The following TSPYL4 variants were observed in gnomAD, a reference collection of about 807,000 sequenced individuals.
TSPYL4 encodes the protein TSPY like 4, also known as testis-specific Y-encoded-like protein 4.
A neutral mutation model predicts 24.2 loss-of-function variants in TSPYL4; 22 were observed. That is an observed-to-expected ratio of 0.91 (90% CI 0.65 to 1.30). TSPYL4 has a LOEUF of 1.30. TSPYL4 is among the 50% of genes most tolerant of loss of function. The pLI is 0.00. For synonymous variants in TSPYL4, 211 were observed against 208.2 expected (o/e 1.01, Z -0.12); for missense variants, 569 against 536.7 (o/e 1.06, Z -0.60).
Position 116,251,395 on chromosome 6 carries a change from T to G in TSPYL4, c.*1369A>C, listed in dbSNP as rs1771949229. 1 of 396,282 alleles carries G rather than the reference T, an allele frequency of 2.5e-6. No individual in the cohort carries two copies. Among genetic ancestry groups the G allele is most frequent in the Admixed American group, 4.4e-5 (1 of 22,678 alleles). 24.5% of individuals were successfully genotyped at this position (396,282 alleles called of 1,614,324 possible). On this transcript the variant is annotated 3_prime_UTR_variant, in exon 1 of 1. Coordinates refer to ENST00000420283, the MANE Select transcript of TSPYL4 (RefSeq NM_021648.5). ...GATAAATATGTCAAAATCTGCCTAA[T>G]TTAACACTGCCTATAACTAAACAAT...
rs1446936144 is a variant in TSPYL4 at position 116,253,558 on chromosome 6, C to T, written c.451G>A (p.Glu151Lys). The stretch of plus-strand genomic sequence containing the variant: ...ATGGCGCGTTTTTTAGTCGTCACTT[C>T]CTTGGCCTTCTTCCCCGGTATCATC... ...SQMIPGKKAK[E>K]VTTKKRAISA... Residue 151 changes from glutamate (E) to lysine (K), a missense_variant, in exon 1 of 1, where the codon GAA becomes AAA. Transcript: ENST00000420283. The surrounding 1 kb of genome is among the most constrained non-coding windows in gnomAD (Gnocchi z 4.3). 2 of 1,552,000 alleles carry T rather than the reference C, an allele frequency of 1.3e-6. No individual in the cohort carries two copies. Among genetic ancestry groups the T allele is most frequent in the Non-Finnish European group, 8.7e-7 (1 of 1,147,064 alleles).
In TSPYL4 at chr6:116,253,952, A is replaced by G. The variant is rs199711865; in HGVS notation, c.57T>C (p.Ala19=). ...GATCTCCTGAGGCATGGTCGGGAGC[A>G]GCCAGGCCGCCGGTTTGGGCGAGAG... ...KLPLAQTGGL[A]APDHASGDPD... Residue 19 remains alanine, a synonymous_variant, in exon 1 of 1, where the codon GCT becomes GCC. Coordinates refer to ENST00000420283, the MANE Select transcript of TSPYL4 (RefSeq NM_021648.5). This position sits in a 1 kb window ranked among gnomAD's most constrained non-coding sequence, Gnocchi z 4.3. 51 of 1,606,482 alleles carry G rather than the reference A, an allele frequency of 3.2e-5. No individual in the cohort carries two copies. The African/African-American group carries it at 6.3e-4, about 20-fold the overall frequency.
At position 116,253,754 on chromosome 6, in the gene TSPYL4, C is replaced by T; in HGVS notation, c.255G>A (p.Ala85=). The T allele has an allele frequency of 6.3e-7, 1 of 1,593,790 alleles. No homozygotes were observed. Among genetic ancestry groups the T allele is most frequent in the Non-Finnish European group, 8.6e-7 (1 of 1,169,108 alleles). ...GAGCATCCTCCTGCCCGGCTTTGGT[C>T]GCTGCACCGCCGCGACTCCCGGCAA... is the stretch of plus-strand genomic sequence containing the variant. The part of the protein sequence containing the change: ...VPVAGSRGGA[A]TKAGQEDAPP... Residue 85 remains alanine (A), a synonymous_variant, in exon 1 of 1, where the codon GCG becomes GCA. Coordinates refer to ENST00000420283, the MANE Select transcript of TSPYL4 (RefSeq NM_021648.5). This position sits in a 1 kb window ranked among gnomAD's most constrained non-coding sequence, Gnocchi z 4.3.
At position 116,253,018 on chromosome 6, in the gene TSPYL4, G is replaced by A. The variant is rs1425497137; in HGVS notation, c.991C>T (p.Arg331Cys). 1.2e-6 allele frequency: 2 copies of A among 1,614,148 alleles called. No homozygotes were observed. Among genetic ancestry groups the A allele is most frequent in the Admixed American group, 1.7e-5 (1 of 60,024 alleles). ...GRVVSLSTPI[R>C]WHRGQDPQAH... Reference sequence around the variant, plus strand: ...TGGGGGTCTTGGCCTCGGTGCCAGCGGATTGGAGTGGAAAGAGACACCACC... The same window carrying A: ...TGGGGGTCTTGGCCTCGGTGCCAGCAGATTGGAGTGGAAAGAGACACCACC... The change falls in exon 1 of 1, where the codon CGC (arginine) becomes TGC (cysteine). Residue 331 changes from arginine (R) to cysteine (C), a missense_variant. Transcript: ENST00000420283. This position sits in a 1 kb window ranked among gnomAD's most constrained non-coding sequence, Gnocchi z 4.3.
At position 116,252,155 on chromosome 6, in the gene TSPYL4, A is replaced by C. The variant is rs976291876; in HGVS notation, c.*609T>G. The stretch of plus-strand genomic sequence containing the variant: ...CCTCAGTCACGCCTAGCAGTCACCC[A>C]TCAGCCACCAGCTTGTTCTATCAGA... On this transcript the variant is annotated 3_prime_UTR_variant, in exon 1 of 1. Coordinates refer to ENST00000420283, the MANE Select transcript of TSPYL4 (RefSeq NM_021648.5). 6.5e-6 allele frequency: 1 copy of C among 153,522 alleles called. No homozygotes were observed. Among genetic ancestry groups the C allele is most frequent in the African/African-American group, 2.4e-5 (1 of 41,480 alleles). The allele number at this position is 153,522 out of a possible 1,614,324, so 9.5% of individuals were successfully genotyped here.
Position 116,252,480 on chromosome 6 carries a change from T to C in TSPYL4, c.*284A>G. 2.6e-6 allele frequency: 1 copy of C among 389,884 alleles called. No individual in the cohort carries two copies. 24.2% of individuals were successfully genotyped at this position (389,884 alleles called of 1,614,324 possible). On this transcript the variant is annotated 3_prime_UTR_variant, in exon 1 of 1. Coordinates refer to ENST00000420283, the MANE Select transcript of TSPYL4 (RefSeq NM_021648.5). ...AGCCATGCAAAGAAAGGCAGTATGG[T>C]ACACTATATCTATAGTATCATACGC...
In TSPYL4 at chr6:116,253,933, C is replaced by A; in HGVS notation, c.76G>T (p.Gly26Ter). ...TGGCACTGGTCTCGGTCCGGATCTCCTGAGGCATGGTCGGGAGCAGCCAGG... is the reference window on the plus strand; with the variant it reads ...TGGCACTGGTCTCGGTCCGGATCTCATGAGGCATGGTCGGGAGCAGCCAGG... ...GGLAAPDHAS[G>*]DPDRDQCQGL... is the part of the protein sequence containing the mutation. The change falls in exon 1 of 1, where the codon GGA becomes TGA. Residue 26 changes from glycine to a stop codon, truncating the protein, a stop_gained. Coordinates refer to ENST00000420283, the MANE Select transcript of TSPYL4 (RefSeq NM_021648.5). LOFTEE classifies it low-confidence loss of function (END_TRUNC). This position sits in a 1 kb window ranked among gnomAD's most constrained non-coding sequence, Gnocchi z 4.3. 1 of 1,612,984 alleles carries A rather than the reference C, an allele frequency of 6.2e-7. No homozygotes were observed. The highest frequency in any genetic ancestry group is 1.3e-5 in the African/African-American group (1 of 75,018).
rs1352337727 is a variant in TSPYL4, at chr6:116,250,149, CAAGT to C, written c.*2611_*2614del. 3.3e-5 allele frequency: 5 copies of C among 152,140 alleles called. No individual in the cohort carries two copies. The highest frequency in any genetic ancestry group is 4.8e-5 in the African/African-American group (2 of 41,412). 9.4% of individuals were successfully genotyped at this position (152,140 alleles called of 1,614,324 possible). A position where few individuals can be genotyped will look rare whatever the true frequency, so the allele number is the denominator to read the frequency against. ...AGTACATTACTAGGGCAAGAAATAT[CAAGT>C]AAGACAACAGAGTCGTATTTTTCTT... is the stretch of plus-strand genomic sequence containing the variant. On this transcript the variant is annotated 3_prime_UTR_variant, in exon 1 of 1. Transcript: ENST00000420283.
At position 116,253,519 on chromosome 6, in the gene TSPYL4, C is replaced by T. The variant is rs1056379301; in HGVS notation, c.490G>A (p.Glu164Lys). 5.2e-6 allele frequency: 8 copies of T among 1,551,888 alleles called. No individual in the cohort carries two copies. The highest frequency in any genetic ancestry group is 7.0e-6 in the Non-Finnish European group (8 of 1,147,040). The change falls in exon 1 of 1, where the codon GAA becomes AAA. Residue 164 changes from glutamate (E) to lysine (K), a missense_variant. Transcript: ENST00000420283. The surrounding 1 kb of genome is among the most constrained non-coding windows in gnomAD (Gnocchi z 4.3). ...TKKRAISAAVEKEGEAGAAME... is the reference protein window; with the variant it reads ...TKKRAISAAVKKEGEAGAAME... ...GCCGCCCCTGCTTCTCCCTCCTTTT[C>T]CACTGCTGCCGAGATGGCGCGTTTT...
At position 116,250,243 on chromosome 6, in the gene TSPYL4, A is replaced by G. The variant is rs1466199996; in HGVS notation, c.*2521T>C. On this transcript the variant is annotated 3_prime_UTR_variant, in exon 1 of 1. Transcript: ENST00000420283. ...AATATTCAGACTATTGAAAGATCAC[A>G]TTCAAATTATATTTCTAAGAATAGA... 1 of 152,686 alleles carries G rather than the reference A, an allele frequency of 6.5e-6. No individual in the cohort carries two copies. The allele number at this position is 152,686 out of a possible 1,614,324, so 9.5% of individuals were successfully genotyped here.
chr6:116,252,503 C>T lies in TSPYL4; in HGVS notation c.*261G>A, dbSNP rs760515696. 6 of 491,110 alleles carry T rather than the reference C, an allele frequency of 1.2e-5. No homozygotes were observed. The highest frequency in any genetic ancestry group is 6.9e-5 in the Admixed American group (2 of 29,186). 30.4% of individuals were successfully genotyped at this position (491,110 alleles called of 1,614,324 possible). On this transcript the variant is annotated 3_prime_UTR_variant, in exon 1 of 1. Coordinates refer to ENST00000420283, the MANE Select transcript of TSPYL4 (RefSeq NM_021648.5). Reference sequence around the variant, plus strand: ...GGTACACTATATCTATAGTATCATACGCTTGGCATAGAAGCCGTAGAAGGC... The same window carrying T: ...GGTACACTATATCTATAGTATCATATGCTTGGCATAGAAGCCGTAGAAGGC...
In TSPYL4 at chr6:116,252,782, G is replaced by T. The variant is rs769125416; in HGVS notation, c.1227C>A (p.Phe409Leu). The change falls in exon 1 of 1, where the codon TTC becomes TTA. Residue 409 changes from phenylalanine (F) to leucine (L), a missense_variant. Phe to Leu is a conservative substitution (Grantham distance 22). Coordinates refer to ENST00000420283, the MANE Select transcript of TSPYL4 (RefSeq NM_021648.5). Reference sequence around the variant, plus strand: ...ACAGAGATTAGCCAGACTGGAACCTGAAGGATCTGGCGCTCTCCACTGGCT... The same window carrying T: ...ACAGAGATTAGCCAGACTGGAACCTTAAGGATCTGGCGCTCTCCACTGGCT... ...PRQPVESARS[F>L]RFQSG The T allele has an allele frequency of 6.3e-7, 1 of 1,596,582 alleles. No homozygotes were observed. Among genetic ancestry groups the T allele is most frequent in the African/African-American group, 1.3e-5 (1 of 74,712 alleles).
In TSPYL4 at chr6:116,253,130, G is replaced by A. The variant is rs756925503; in HGVS notation, c.879C>T (p.Gly293=). 1.1e-4 allele frequency: 173 copies of A among 1,614,034 alleles called. 2 individuals carry two copies. The East Asian group carries it at 3.5e-3, about 32-fold the overall frequency. The change falls in exon 1 of 1, where the codon GGC becomes GGT. Residue 293 remains glycine (G), a synonymous_variant. Transcript: ENST00000420283. This position sits in a 1 kb window ranked among gnomAD's most constrained non-coding sequence, Gnocchi z 4.3. ...EVEELKHPRA[G]CKFKFIFQGN... ...CCTGAAAGATGAACTTGAATTTGCAGCCTGCTCTGGGGTGTTTAAGCTCCT... is the reference window on the plus strand; with the variant it reads ...CCTGAAAGATGAACTTGAATTTGCAACCTGCTCTGGGGTGTTTAAGCTCCT...
Position 116,252,891 on chromosome 6 carries a change from A to G in TSPYL4, c.1118T>C (p.Ile373Thr). 1.9e-6 allele frequency: 3 copies of G among 1,608,624 alleles called. No homozygotes were observed. Among genetic ancestry groups the G allele is most frequent in the Non-Finnish European group, 2.5e-6 (3 of 1,177,132 alleles). Residue 373 changes from isoleucine to threonine, a missense_variant, in exon 1 of 1, where the codon ATC becomes ACC. Physicochemically the swap from Ile to Thr is moderately conservative, Grantham distance 89 (BLOSUM62 -1). Transcript: ENST00000420283. ...LLEFDRIAEI[I>T]KGELWPNPLQ... ...GGGATTGGGCCACAGTTCTCCTTTGATAATCTCTGCAATTCTGTCGAATTC... is the reference window on the plus strand; with the variant it reads ...GGGATTGGGCCACAGTTCTCCTTTGGTAATCTCTGCAATTCTGTCGAATTC...
At position 116,253,249 on chromosome 6, in the gene TSPYL4, A is replaced by G. The variant is rs1771993701; in HGVS notation, c.760T>C (p.Trp254Arg). The change falls in exon 1 of 1, where the codon TGG (tryptophan) becomes CGG (arginine). Residue 254 changes from tryptophan (W) to arginine (R), a missense_variant. Coordinates refer to ENST00000420283, the MANE Select transcript of TSPYL4 (RefSeq NM_021648.5). This position sits in a 1 kb window ranked among gnomAD's most constrained non-coding sequence, Gnocchi z 4.3. ...GGGTGGTTTCGAAAGGCAGTAACCC[A>G]GAAACCTGGGATATTCTGGATAATG... ...SFIIQNIPGFWVTAFRNHPQL... is the reference protein window; with the variant it reads ...SFIIQNIPGFRVTAFRNHPQL... 10 of 1,613,564 alleles carry G rather than the reference A, an allele frequency of 6.2e-6. No individual in the cohort carries two copies. The highest frequency in any genetic ancestry group is 8.5e-6 in the Non-Finnish European group (10 of 1,179,718).
chr6:116,251,926 T>C lies in TSPYL4; in HGVS notation c.*838A>G, dbSNP rs987882364. On this transcript the variant is annotated 3_prime_UTR_variant, in exon 1 of 1. Coordinates refer to ENST00000420283, the MANE Select transcript of TSPYL4 (RefSeq NM_021648.5). ...CCATCCTGGTGGTAGGGGGTGTTGCTGTGAGCTCCCTGGGAGCTACGTCTA... is the reference window on the plus strand; with the variant it reads ...CCATCCTGGTGGTAGGGGGTGTTGCCGTGAGCTCCCTGGGAGCTACGTCTA... The C allele has an allele frequency of 1.3e-5, 2 of 152,232 alleles. No individual in the cohort carries two copies. The highest frequency in any genetic ancestry group is 1.3e-4 in the Admixed American group (2 of 15,280). The allele number at this position is 152,232 out of a possible 1,614,324, so 9.4% of individuals were successfully genotyped here. A position where few individuals can be genotyped will look rare whatever the true frequency, so the allele number is the denominator to read the frequency against.
At position 116,252,820 on chromosome 6, in the gene TSPYL4, C is replaced by G; in HGVS notation, c.1189G>C (p.Gly397Arg). 5.0e-6 allele frequency: 8 copies of G among 1,597,954 alleles called. No homozygotes were observed. The highest frequency in any genetic ancestry group is 6.8e-6 in the Non-Finnish European group (8 of 1,171,662). Reference protein sequence around the residue: ...MGEGPRRGIRGPPRQPVESAR... With the variant: ...MGEGPRRGIRRPPRQPVESAR... ...CTCTCCACTGGCTGCCTTGGTGGGC[C>G]TCGAATTCCTCTACGGGGCCCTTCA... is the stretch of plus-strand genomic sequence containing the variant. Residue 397 changes from glycine (G) to arginine (R), a missense_variant, in exon 1 of 1, where the codon GGC becomes CGC. Transcript: ENST00000420283.
chr6:116,253,043 C>G lies in TSPYL4; in HGVS notation c.966G>C (p.Arg322=). The G allele has an allele frequency of 6.2e-7, 1 of 1,614,140 alleles. No individual in the cohort carries two copies. The highest frequency in any genetic ancestry group is 1.1e-5 in the South Asian group (1 of 91,082). ...GGATTGGAGTGGAAAGAGACACCACCCGGCCAGAGGATCTGCGTTCATATT... is the reference window on the plus strand; with the variant it reads ...GGATTGGAGTGGAAAGAGACACCACGCGGCCAGAGGATCTGCGTTCATATT... ...VKEYERRSSG[R]VVSLSTPIRW... The change falls in exon 1 of 1, where the codon CGG becomes CGC. Residue 322 remains arginine (R), a synonymous_variant. Transcript: ENST00000420283. This position sits in a 1 kb window ranked among gnomAD's most constrained non-coding sequence, Gnocchi z 4.3.
chr6:116,253,938 G>C lies in TSPYL4; in HGVS notation c.71C>G (p.Ala24Gly), dbSNP rs761621515. ...QTGGLAAPDH[A>G]SGDPDRDQCQ... ...CTGGTCTCGGTCCGGATCTCCTGAG[G>C]CATGGTCGGGAGCAGCCAGGCCGCC... The change falls in exon 1 of 1, where the codon GCC becomes GGC. Residue 24 changes from alanine (A) to glycine (G), a missense_variant. Physicochemically the swap from Ala to Gly is moderately conservative, Grantham distance 60. Coordinates refer to ENST00000420283, the MANE Select transcript of TSPYL4 (RefSeq NM_021648.5). This position sits in a 1 kb window ranked among gnomAD's most constrained non-coding sequence, Gnocchi z 4.3. 8.7e-6 allele frequency: 14 copies of C among 1,611,962 alleles called. No homozygotes were observed. Among genetic ancestry groups the C allele is most frequent in the Middle Eastern group, 1.6e-4 (1 of 6,064 alleles).
Sources: allele counts gnomAD v4.1 joint callset, GRCh38; gene constraint gnomAD v4.1.1; non-coding constraint Gnocchi (gnomAD v3.1); transcripts MANE v1.5; gene names NCBI Gene and HGNC (gene_info 2026-07-23, HGNC 2026-07-21).